SPATA9: variants seen among roughly 807,000 people sequenced by gnomAD.
SPATA9 encodes spermatogenesis-associated protein 9.
A neutral mutation model predicts 25.5 loss-of-function variants in SPATA9; 27 were observed. That is an observed-to-expected ratio of 1.06 (90% CI 0.78 to 1.46). SPATA9 has a LOEUF of 1.46. SPATA9 is among the 40% of genes most tolerant of loss of function. The pLI is 0.00. For missense variants in SPATA9, 282 were observed against 297.5 expected, an observed-to-expected ratio of 0.95 and a Z score of 0.38; for synonymous variants, 102 against 105.7, an observed-to-expected ratio of 0.97 and a Z score of 0.21.
Position 95,663,909 on chromosome 5 carries a change from A to G in SPATA9, c.474+44T>C, listed in dbSNP as rs560192668. 5.2e-6 allele frequency: 6 copies of G among 1,148,728 alleles called. No individual in the cohort carries two copies. The South Asian group carries it at 7.7e-5, about 15-fold the overall frequency. The allele number at this position is 1,148,728 out of a possible 1,614,324, so 71.2% of individuals were successfully genotyped here. A position where few individuals can be genotyped will look rare whatever the true frequency, so the allele number is the denominator to read the frequency against. ...CACAGTATTATTAACATTACACAAA[A>G]TAAGTAGATTTATTTCTAGATTCTA... On this transcript the variant is annotated intron_variant, in intron 4 of 4. Coordinates refer to ENST00000274432, the MANE Select transcript of SPATA9 (RefSeq NM_031952.4).
the SPATA9 span, among the ~76,000 whole-genome samples, chr5:95,725,613 G>A: frequency 3.9e-5 from 6 of 152,264 alleles, no homozygotes; most frequent in East Asian, 1.9e-4. Context: ...CTTTTTTTGT[G>A]TGTTGTATTG....
At chr5:95,726,843 C>T in the SPATA9 span, among the ~76,000 whole-genome samples, 1 of 152,232 alleles carries the variant, frequency 6.6e-6, no homozygotes, top group Non-Finnish European at 1.5e-5. Flanking sequence ...CTGCCCCTCA[C>T]TGTGTATCCT....
At chr5:95,730,874 C>G in the SPATA9 span, 4 of 455,624 alleles carry the variant, frequency 8.8e-6, no homozygotes, top group Admixed American at 7.1e-5. Context: ...CGCATGTTGA[C>G]AAATGAGAAA....
Position 95,669,096 on chromosome 5 carries a change from G to C in SPATA9, c.379-5048C>G, listed in dbSNP as rs149520971. Among the ~76,000 whole-genome samples, 372 of 152,270 alleles carry C rather than the reference G, an allele frequency of 2.4e-3. 2 individuals carry two copies. The highest frequency in any genetic ancestry group is 4.5e-3 in the Non-Finnish European group (308 of 68,000). On this transcript the variant is annotated intron_variant, in intron 3 of 4. Transcript: ENST00000274432. ...CAACTCACAACACCTTTGAATACAG[G>C]AAAGACTCCTGACTTTAAAGAAAGC...
downstream of SPATA9, among the ~76,000 whole-genome samples, chr5:95,653,896 T>C (rs1295209112): frequency 6.6e-6 from 1 of 152,166 alleles, no homozygotes; most frequent in East Asian, 1.9e-4. Context: ...AGACTCTGTC[T>C]CAAAATAATA....
At chr5:95,668,111 T>C (rs1413995482) in intron 3 of SPATA9, among the ~76,000 whole-genome samples, 4 of 152,194 alleles carry the variant, frequency 2.6e-5, no homozygotes. Flanking sequence ...ACTCAGGTAT[T>C]TCTTTATAGA....
chr5:95,727,699 T>C, the SPATA9 span, among the ~76,000 whole-genome samples: 1 of 152,132 alleles, frequency 6.6e-6, no homozygotes, highest in South Asian at 2.1e-4. Flanking sequence ...CAAATAAAAA[T>C]TTAAAATACA....
intron 1 of SPATA9, among the ~76,000 whole-genome samples, chr5:95,693,668 TATATA>T (rs1326012987): frequency 6.6e-6 from 1 of 152,200 alleles, no homozygotes; most frequent in African/African-American, 2.4e-5. Flanking sequence ...AAGTTAACTA[TATATA>T]ATATTAAATA....
chr5:95,731,963 C>T, the SPATA9 span: 4 of 1,614,054 alleles, frequency 2.5e-6, no homozygotes, highest in African/African-American at 2.7e-5. Flanking sequence ...CCTCTGGTCT[C>T]CGGGGACGAG....
At chr5:95,705,260 C>A in the SPATA9 span, among the ~76,000 whole-genome samples, 91 of 152,280 alleles carry the variant, frequency 6.0e-4, no homozygotes, top group African/African-American at 2.2e-3. Context: ...AGCCACCATG[C>A]CTAGCCAGGT....
chr5:95,717,765 G>A, the SPATA9 span: 1 of 152,184 alleles, frequency 6.6e-6, no homozygotes, highest in Non-Finnish European at 1.5e-5. Flanking sequence ...TAAAAGAAAA[G>A]GTGAGGAATC....
chr5:95,711,788 T>G, the SPATA9 span, among the ~76,000 whole-genome samples: 1 of 152,204 alleles, frequency 6.6e-6, no homozygotes, highest in Non-Finnish European at 1.5e-5. Flanking sequence ...GAATGGCGCA[T>G]GAACGGAGCC....
At chr5:95,686,010 T>G (rs1455528272), upstream of SPATA9, among the ~76,000 whole-genome samples, 2 of 152,162 alleles carry the variant, frequency 1.3e-5, no homozygotes, top group Non-Finnish European at 2.9e-5. Flanking sequence ...CTAATTTTTG[T>G]ATTTTTAGTA....
At chr5:95,653,243 C>T (rs1750470901) in intron 8 of SPATA9, 1 of 1,550,974 alleles carries the variant, frequency 6.4e-7, no homozygotes. Flanking sequence ...TTCATTCATA[C>T]CCACCTTCTC....
In SPATA9 at chr5:95,658,928, G is replaced by T. The variant is rs1175675919; in HGVS notation, c.475-15C>A. The stretch of plus-strand genomic sequence containing the variant: ...ACACAGACTGCCTATACAATAAAAA[G>T]AGTTTGTAAAGTGAAGTTTCTTTTT... On this transcript the variant is annotated splice_polypyrimidine_tract_variant and intron_variant, in intron 4 of 4. Transcript: ENST00000274432. 1.2e-5 allele frequency: 19 copies of T among 1,568,548 alleles called. No individual in the cohort carries two copies. The highest frequency in any genetic ancestry group is 1.5e-5 in the Non-Finnish European group (18 of 1,161,880).
At chr5:95,726,414 CTT>C in the SPATA9 span, among the ~76,000 whole-genome samples, 4 of 152,246 alleles carry the variant, frequency 2.6e-5, no homozygotes, top group Non-Finnish European at 4.4e-5. Flanking sequence ...ATGCTAGAAA[CTT>C]TATTGAATTC....
intron 1 of SPATA9, among the ~76,000 whole-genome samples, chr5:95,688,735 G>C (rs1337020109): frequency 1.3e-5 from 2 of 152,012 alleles, no homozygotes; most frequent in African/African-American, 4.8e-5. Context: ...AGGTAGAAGG[G>C]GGTGAGGGAT....
At chr5:95,706,561 A>C in the SPATA9 span, among the ~76,000 whole-genome samples, 2 of 152,112 alleles carry the variant, frequency 1.3e-5, no homozygotes, top group Non-Finnish European at 2.9e-5. Flanking sequence ...ACCTAGTCGC[A>C]GGTATGTCTT....
the SPATA9 span, chr5:95,731,668 C>T: frequency 1.3e-5 from 21 of 1,613,236 alleles, no homozygotes; most frequent in Non-Finnish European, 1.7e-5. Flanking sequence ...CCGCCCTGCC[C>T]TTGGATTTGA....
Sources: gnomAD v4.1 joint callset for allele counts (sites outside exome capture counted in the v4.1 genomes callset) on GRCh38, gnomAD v4.1.1 for gene constraint, MANE v1.5 for transcripts, NCBI Gene and HGNC (gene_info 2026-07-23, HGNC 2026-07-21) for gene names.